The following EPHA5 variants were observed in gnomAD, a reference collection of about 807,000 sequenced individuals.
EPHA5 encodes the protein EPH receptor A5.
A neutral mutation model predicts 105.0 loss-of-function variants in EPHA5; 60 were observed. That is an observed-to-expected ratio of 0.57 (90% confidence interval 0.46 to 0.71). The LOEUF is 0.71. Among genes scored for constraint, EPHA5 ranks in the 30% least tolerant of loss-of-function variants. The pLI is 0.00. For missense variants in EPHA5, 1,218 were observed against 1,274.7 expected (o/e 0.96, Z 0.68); for synonymous variants, 513 against 449.1 (o/e 1.14, Z -1.80).
Position 65,551,878 on chromosome 4 carries a change from T to A in EPHA5, c.910+49763A>T, listed in dbSNP as rs535483647. ...TAAATCATCAGAAGCTAATGGTTAA[T>A]AAATTACGTTAAAATTTTTAGTAAA... On this transcript the variant is annotated intron_variant, in intron 3 of 16. Coordinates refer to ENST00000613740, the MANE Select transcript of EPHA5 (RefSeq NM_001281766.3). 1.2e-3 allele frequency among the ~76,000 whole-genome samples: 180 copies of A among 152,332 alleles called. 2 individuals carry two copies. Among genetic ancestry groups the A allele is most frequent in the African/African-American group, 4.1e-3 (169 of 41,580 alleles).
At chr4:65,333,314 G>A (rs968141959) in intron 15 of EPHA5, among the ~76,000 whole-genome samples, 19 of 151,574 alleles carry the variant, frequency 1.3e-4, no homozygotes, top group Admixed American at 5.3e-4. Flanking sequence ...TTACCCTTGA[G>A]TATAGTTTCT....
chr4:65,510,791 T>G (rs1477640256), intron 3 of EPHA5, among the ~76,000 whole-genome samples: 1 of 152,206 alleles, frequency 6.6e-6, no homozygotes, highest in Non-Finnish European at 1.5e-5. Context: ...GGCACTGGCA[T>G]GTGCCTGACA....
chr4:65,654,341 G>A (rs1427520454), intron 1 of EPHA5, among the ~76,000 whole-genome samples: 1 of 151,536 alleles, frequency 6.6e-6, no homozygotes, highest in Non-Finnish European at 1.5e-5. Flanking sequence ...CAACGGACGA[G>A]AAAGTCCAAC....
At chr4:65,642,173 GA>G (rs561166268) in intron 2 of EPHA5, among the ~76,000 whole-genome samples, 36 of 150,214 alleles carry the variant, frequency 2.4e-4, no homozygotes, top group Middle Eastern at 3.4e-3. Flanking sequence ...CTCTCAGAAA[GA>G]AAAAAAAATT....
chr4:65,623,847 T>C (rs1578612657), intron 2 of EPHA5, among the ~76,000 whole-genome samples: 1 of 152,324 alleles, frequency 6.6e-6, no homozygotes, highest in East Asian at 1.9e-4. Flanking sequence ...GATATGTGTC[T>C]CATTTATGCA....
At chr4:65,548,232 G>T (rs908429973) in intron 3 of EPHA5, among the ~76,000 whole-genome samples, 1 of 56,604 alleles carries the variant, frequency 1.8e-5, no homozygotes, top group African/African-American at 6.4e-5. Context: ...GCAAGAATAA[G>T]ATTTTTTCAG....
At chr4:65,582,629 T>C (rs1741740803) in intron 3 of EPHA5, among the ~76,000 whole-genome samples, 1 of 151,696 alleles carries the variant, frequency 6.6e-6, no homozygotes, top group African/African-American at 2.4e-5. Context: ...CAGATGTCTA[T>C]GAAAATAACT....
Position 65,398,021 on chromosome 4 carries a change from G to T in EPHA5, c.1793+6353C>A, listed in dbSNP as rs572257478. On this transcript the variant is annotated intron_variant, in intron 8 of 16. Coordinates refer to ENST00000613740, the MANE Select transcript of EPHA5 (RefSeq NM_001281766.3). Reference sequence around the variant, plus strand: ...GAGCATGAGCCAGGACAAGGTAGAAGCCTCACCACCCCCCTTCCAAGTTGG... The same window carrying T: ...GAGCATGAGCCAGGACAAGGTAGAATCCTCACCACCCCCCTTCCAAGTTGG... Among the ~76,000 whole-genome samples, 23 of 152,276 alleles carry T rather than the reference G, an allele frequency of 1.5e-4. No individual in the cohort carries two copies. In the South Asian group the frequency reaches 4.8e-3, roughly 32 times the overall value.
At chr4:65,482,538 A>C (rs185288201) in intron 5 of EPHA5, among the ~76,000 whole-genome samples, 1 of 152,248 alleles carries the variant, frequency 6.6e-6, no homozygotes, top group Admixed American at 6.5e-5. Context: ...CACGGATCTC[A>C]TAATAGGTAG....
intron 3 of EPHA5, among the ~76,000 whole-genome samples, chr4:65,550,146 TA>T (rs777398511): frequency 6.6e-6 from 1 of 151,932 alleles, no homozygotes; most frequent in Non-Finnish European, 1.5e-5. Flanking sequence ...ATAATTATGA[TA>T]ATCAAATTTT....
At chr4:65,660,560 A>C (rs568260786) in intron 1 of EPHA5, among the ~76,000 whole-genome samples, 1 of 152,258 alleles carries the variant, frequency 6.6e-6, no homozygotes, top group South Asian at 2.1e-4. Context: ...TGGCTTTAGG[A>C]AACCTACTAG....
chr4:65,445,301 T>C (rs1182803487), intron 5 of EPHA5, among the ~76,000 whole-genome samples: 1 of 152,166 alleles, frequency 6.6e-6, no homozygotes, highest in African/African-American at 2.4e-5. Flanking sequence ...ATCCAGTATG[T>C]GACTATGAAG....
At chr4:65,656,873 G>T (rs574570785) in intron 1 of EPHA5, among the ~76,000 whole-genome samples, 1 of 150,630 alleles carries the variant, frequency 6.6e-6, no homozygotes, top group South Asian at 2.1e-4. Flanking sequence ...AACTTTTATA[G>T]ATTAGGAGAA....
intron 8 of EPHA5, among the ~76,000 whole-genome samples, chr4:65,398,140 C>T (rs1436194239): frequency 6.6e-6 from 1 of 152,190 alleles, no homozygotes; most frequent in Non-Finnish European, 1.5e-5. Flanking sequence ...GCCTGAGAAG[C>T]CCCCTGCCCC....
At chr4:65,329,665 A>G (rs758190005) in intron 16 of EPHA5, among the ~76,000 whole-genome samples, 6 of 151,290 alleles carry the variant, frequency 4.0e-5, no homozygotes, top group Non-Finnish European at 7.4e-5. Context: ...TTATTATTTT[A>G]TTATACAGCC....
intron 11 of EPHA5, among the ~76,000 whole-genome samples, chr4:65,358,658 C>T (rs1466098864): frequency 1.3e-5 from 2 of 151,462 alleles, no homozygotes; most frequent in Non-Finnish European, 3.0e-5. Context: ...TGAGACAGAA[C>T]TTAGAAATGT....
In EPHA5 at chr4:65,495,469, G is replaced by C. The variant is rs1424261072; in HGVS notation, c.985C>G (p.His329Asp). 6.2e-7 allele frequency: 1 copy of C among 1,613,552 alleles called. No homozygotes were observed. The highest frequency in any genetic ancestry group is 1.7e-5 in the Admixed American group (1 of 59,966). The change falls in exon 4 of 17, where the codon CAT (histidine) becomes GAT (aspartate). Residue 329 changes from histidine (H) to aspartate (D), a missense_variant. Physicochemically the swap from His to Asp is moderately conservative, Grantham distance 81. Transcript: ENST00000613740. ...CGKCPPHSYTHEEASTSCVCE... is the reference protein window; with the variant it reads ...CGKCPPHSYTDEEASTSCVCE... Reference sequence around the variant, plus strand: ...ACACAAGAGGTTGAAGCTTCCTCATGGGTATAACTGTGAGGTGGACATTTG... The same window carrying C: ...ACACAAGAGGTTGAAGCTTCCTCATCGGTATAACTGTGAGGTGGACATTTG...
intron 8 of EPHA5, among the ~76,000 whole-genome samples, chr4:65,369,992 T>C (rs1388385910): frequency 6.6e-6 from 1 of 152,038 alleles, no homozygotes; most frequent in Non-Finnish European, 1.5e-5. Flanking sequence ...AAAATACAGT[T>C]ATCTTTATCA....
At chr4:65,329,633 C>A (rs1374448214) in intron 16 of EPHA5, among the ~76,000 whole-genome samples, 4 of 151,174 alleles carry the variant, frequency 2.6e-5, no homozygotes, top group Non-Finnish European at 5.9e-5. Context: ...TATCTTCTGA[C>A]AATAACTCTA....
Sources: allele counts gnomAD v4.1 joint callset (sites outside exome capture counted in the v4.1 genomes callset), GRCh38; gene constraint gnomAD v4.1.1; transcripts MANE v1.5; gene names NCBI Gene and HGNC (gene_info 2026-07-23, HGNC 2026-07-21).